CADM1: variants seen among roughly 807,000 people sequenced by gnomAD.
CADM1 encodes cell adhesion molecule 1.
In CADM1, 15 loss-of-function variants were observed where a neutral mutation model predicts 53.1. That is an observed-to-expected ratio of 0.28 (90% CI 0.19 to 0.44). The LOEUF (loss-of-function observed/expected upper bound fraction) is 0.44. CADM1 is among the 20% of genes least tolerant of loss of function. The pLI is 1.00. For missense variants in CADM1, 434 were observed against 611.3 expected (o/e 0.71, Z 3.06); for synonymous variants, 281 against 243.0 (o/e 1.16, Z -1.45).
At chr11:115,303,638 T>C (rs1047607211) in intron 1 of CADM1, among the ~76,000 whole-genome samples, 4 of 152,042 alleles carry the variant, frequency 2.6e-5, no homozygotes, top group Non-Finnish European at 4.4e-5. Context: ...TTTGTCATAG[T>C]GTACAGGTAA....
chr11:115,410,595 G>C (rs1947436070), intron 1 of CADM1, among the ~76,000 whole-genome samples: 1 of 152,016 alleles, frequency 6.6e-6, no homozygotes, highest in South Asian at 2.1e-4. Context: ...AGATGGACAA[G>C]AACATGACAT....
At position 115,320,893 on chromosome 11, in the gene CADM1, T is replaced by A. The variant is rs919698630; in HGVS notation, c.125-80473A>T. On this transcript the variant is annotated intron_variant, in intron 1 of 11. Transcript: ENST00000331581. ...GTTAAAATATTATTTTTGAATTTCA[T>A]TATTTTACTAGAATTCCAAATCTAG... Among the ~76,000 whole-genome samples the A allele has an allele frequency of 3.9e-5, 6 of 152,298 alleles. No individual in the cohort carries two copies. In the South Asian group the frequency reaches 1.2e-3, roughly 32 times the overall value.
chr11:115,352,630 G>A (rs527306242), intron 1 of CADM1, among the ~76,000 whole-genome samples: 1 of 152,290 alleles, frequency 6.6e-6, no homozygotes, highest in African/African-American at 2.4e-5. Context: ...TAAAACAACA[G>A]AGAAGACTTA....
chr11:115,469,720 G>A (rs954021552), intron 1 of CADM1, among the ~76,000 whole-genome samples: 28 of 120,814 alleles, frequency 2.3e-4, no homozygotes, highest in Non-Finnish European at 1.7e-4. Context: ...TGCCCAAGCT[G>A]GAGTGCAGTG....
rs141167801 is a variant in CADM1, at chr11:115,381,993, C to T, written c.124+122278G>A. ...CCAAGTTGCTAGGACCACAGGTGCC[C>T]GCCACCACACCGGGCTAGTTTTTGT... On this transcript the variant is annotated intron_variant, in intron 1 of 11. Transcript: ENST00000331581. Among the ~76,000 whole-genome samples, 27 of 152,120 alleles carry T rather than the reference C, an allele frequency of 1.8e-4. No homozygotes were observed. The East Asian group carries it at 4.3e-3, about 24-fold the overall frequency.
At chr11:115,268,294 A>T (rs953239364) in intron 1 of CADM1, among the ~76,000 whole-genome samples, 1 of 152,162 alleles carries the variant, frequency 6.6e-6, no homozygotes, top group Non-Finnish European at 1.5e-5. Context: ...CAGTTTGGCC[A>T]CTGTACTAAA....
chr11:115,380,699 C>G (rs1284249399), intron 1 of CADM1, among the ~76,000 whole-genome samples: 1 of 152,034 alleles, frequency 6.6e-6, no homozygotes, highest in Non-Finnish European at 1.5e-5. Context: ...AAAGAGGAGA[C>G]AGTGAGAACA....
At chr11:115,356,076 C>A (rs1481885311) in intron 1 of CADM1, among the ~76,000 whole-genome samples, 2 of 152,066 alleles carry the variant, frequency 1.3e-5, no homozygotes, top group African/African-American at 4.8e-5. Context: ...TGTGATCCAC[C>A]CACCTTGGCC....
At chr11:115,343,183 C>G (rs900108630) in intron 1 of CADM1, among the ~76,000 whole-genome samples, 1 of 152,022 alleles carries the variant, frequency 6.6e-6, no homozygotes. Flanking sequence ...GTTATCTAAG[C>G]TTAGAAAAAT....
intron 1 of CADM1, among the ~76,000 whole-genome samples, chr11:115,358,029 C>T (rs939495259): frequency 6.6e-6 from 1 of 152,030 alleles, no homozygotes; most frequent in Admixed American, 6.6e-5. Flanking sequence ...ATAATAAAGT[C>T]CACATATATG....
chr11:115,216,428 T>C (rs1036700205), intron 6 of CADM1, among the ~76,000 whole-genome samples: 10 of 152,234 alleles, frequency 6.6e-5, no homozygotes, highest in African/African-American at 1.9e-4. Context: ...CTGTGGTTAA[T>C]GTGGCCGAGC....
chr11:115,360,099 T>C (rs552379378), intron 1 of CADM1, among the ~76,000 whole-genome samples: 1 of 152,308 alleles, frequency 6.6e-6, no homozygotes, highest in African/African-American at 2.4e-5. Context: ...AAGCCTCTCT[T>C]TGGAAATAAA....
chr11:115,267,678 C>CT (rs56712105), intron 1 of CADM1, among the ~76,000 whole-genome samples: 2,707 of 131,186 alleles, frequency 0.021, 49 homozygotes, highest in African/African-American at 0.049. Flanking sequence ...AAATTGCTTT[C>CT]TTTTTTTTTT....
intron 1 of CADM1, among the ~76,000 whole-genome samples, chr11:115,328,726 G>A (rs12807894): frequency 4.9e-5 from 5 of 102,564 alleles, no homozygotes; most frequent in East Asian, 5.1e-4. Flanking sequence ...GTATATATAT[G>A]TATATACATA....
At chr11:115,491,977 A>G (rs1041762499) in intron 1 of CADM1, among the ~76,000 whole-genome samples, 1 of 152,212 alleles carries the variant, frequency 6.6e-6, no homozygotes, top group Admixed American at 6.5e-5. Flanking sequence ...GGATAGCATT[A>G]GGAGAAATAC....
At chr11:115,308,890 A>G (rs1360509622) in intron 1 of CADM1, among the ~76,000 whole-genome samples, 1 of 151,158 alleles carries the variant, frequency 6.6e-6, no homozygotes, top group Non-Finnish European at 1.5e-5. Context: ...ACTATGCTAG[A>G]TATGAATGAT....
intron 1 of CADM1, among the ~76,000 whole-genome samples, chr11:115,352,770 A>ATAT (rs1459781722): frequency 1.3e-5 from 2 of 152,240 alleles, no homozygotes; most frequent in Admixed American, 6.5e-5. Context: ...TATGAAATAG[A>ATAT]TATTATTATT....
At chr11:115,266,527 T>G (rs10891819) in intron 1 of CADM1, among the ~76,000 whole-genome samples, 49,864 of 152,022 alleles carry the variant, frequency 0.33, 9,975 homozygotes, top group East Asian at 0.69. Context: ...TGAAGCAAGA[T>G]GTACACTGAG....
intron 1 of CADM1, among the ~76,000 whole-genome samples, chr11:115,347,361 T>C (rs1012774730): frequency 5.9e-5 from 9 of 152,144 alleles, no homozygotes; most frequent in African/African-American, 2.2e-4. Context: ...GTGTGCAATA[T>C]GTTGTTTTCA....
Sources: gnomAD v4.1 joint callset for allele counts (sites outside exome capture counted in the v4.1 genomes callset) on GRCh38, gnomAD v4.1.1 for gene constraint, MANE v1.5 for transcripts, NCBI Gene and HGNC (gene_info 2026-07-23, HGNC 2026-07-21) for gene names.